The following CCL26 variants were observed in gnomAD, a reference collection of about 807,000 sequenced individuals.
CCL26 encodes C-C motif chemokine 26.
In CCL26, 10 loss-of-function variants were observed where a neutral mutation model predicts 10.7. That is an observed-to-expected ratio of 0.93 (90% CI 0.57 to 1.58). The LOEUF (loss-of-function observed/expected upper bound fraction) is 1.58. CCL26 is among the 40% of genes most tolerant of loss of function. The pLI is 0.00. For missense variants in CCL26, 116 were observed against 111.0 expected, an observed-to-expected ratio of 1.05 and a Z score of -0.20; for synonymous variants, 43 against 41.4, an observed-to-expected ratio of 1.04 and a Z score of -0.15.
chr7:75,782,836 T>A (rs1222118128), intron 1 of CCL26, among the ~76,000 whole-genome samples: 1 of 152,108 alleles, frequency 6.6e-6, no homozygotes, highest in Non-Finnish European at 1.5e-5. Flanking sequence ...CTTTCTTCTT[T>A]CTCTCCTGTC....
At chr7:75,785,009 T>C (rs11771749) in intron 1 of CCL26, among the ~76,000 whole-genome samples, 29,105 of 152,020 alleles carry the variant, frequency 0.19, 3,180 homozygotes, top group East Asian at 0.28. Flanking sequence ...CCTTACAATT[T>C]CCCCATTTTA....
At chr7:75,774,493 C>A (rs533542198), upstream of CCL26, among the ~76,000 whole-genome samples, 2 of 151,936 alleles carry the variant, frequency 1.3e-5, no homozygotes, top group South Asian at 4.2e-4. Context: ...GTCATCCAGG[C>A]TGGAGTACAG....
Position 75,771,899 on chromosome 7 carries a change from G to T in CCL26, c.178C>A (p.Arg60=), listed in dbSNP as rs150951637. 1.6e-5 allele frequency: 26 copies of T among 1,609,836 alleles called. No individual in the cohort carries two copies. Among genetic ancestry groups the T allele is most frequent in the Non-Finnish European group, 2.1e-5 (25 of 1,176,208 alleles). ...YEFTSNSCSQ[R]AVIFTTKRGK... ...CCGAGAAATACTCACATCACAGCCC[G>T]CTGGGAGCAGCTGTTACTGGTGAAT... is the stretch of plus-strand genomic sequence containing the variant. The change falls in exon 2 of 3, where the codon CGG becomes AGG. Residue 60 remains arginine, a synonymous_variant. Coordinates refer to ENST00000005180, the MANE Select transcript of CCL26 (RefSeq NM_001371938.1).
rs188830486 is a variant in CCL26, at chr7:75,784,123, T to C, written c.-79+5594A>G. 7.1e-4 allele frequency among the ~76,000 whole-genome samples: 108 copies of C among 152,266 alleles called. No individual in the cohort carries two copies. The Middle Eastern group carries it at 0.017, about 24-fold the overall frequency. On this transcript the variant is annotated intron_variant, in intron 1 of 3. Coordinates refer to the CCL26 transcript ENST00000394905. ...GAGACAAACCCCAGCCACATCTCCA[T>C]CACACAAGAGCTTCCAAACGCCTGA...
At chr7:75,771,148 G>A (rs1013941702) in intron 2 of CCL26, among the ~76,000 whole-genome samples, 5 of 152,024 alleles carry the variant, frequency 3.3e-5, no homozygotes, top group South Asian at 4.1e-4. Context: ...GCAGTGGTGC[G>A]ATCATACCTC....
upstream of CCL26, chr7:75,789,898 G>C (rs1249886788): frequency 2.0e-5 from 3 of 151,990 alleles, no homozygotes; most frequent in Non-Finnish European, 4.4e-5. Context: ...TGAGGTTCTG[G>C]GTGGACAATG....
chr7:75,776,513 A>AAAAGGAAGGAAGG (rs1802942705), upstream of CCL26, among the ~76,000 whole-genome samples: 2 of 108,986 alleles, frequency 1.8e-5, no homozygotes, highest in African/African-American at 7.7e-5. Context: ...TGCACTCCAA[A>AAAAGGAAGGAAGG]AAGGAAGGAA....
intron 1 of CCL26, among the ~76,000 whole-genome samples, chr7:75,783,712 G>A (rs12534740): frequency 6.0e-5 from 9 of 150,768 alleles, no homozygotes; most frequent in Non-Finnish European, 1.2e-4. Context: ...GCGTGAACCC[G>A]GTAGGTGGAG....
Position 75,771,952 on chromosome 7 carries a change from A to G in CCL26, c.125T>C (p.Leu42Pro). ...ATAGCTTCGCACCCAGGTCCAGGGA[A>G]GGGGCTTGTGGCTGTATTGGAAGCA... Reference protein sequence around the residue: ...TCCFQYSHKPLPWTWVRSYEF... With the variant: ...TCCFQYSHKPPPWTWVRSYEF... The change falls in exon 2 of 3, where the codon CTT becomes CCT. Residue 42 changes from leucine (L) to proline (P), a missense_variant. By Grantham distance (98) the Leu-to-Pro change is moderately conservative (BLOSUM62 -3). Transcript: ENST00000005180. 6.2e-7 allele frequency: 1 copy of G among 1,614,130 alleles called. No homozygotes were observed.
At chr7:75,776,596 GCAAGA>G, upstream of CCL26, among the ~76,000 whole-genome samples, 1 of 150,838 alleles carries the variant, frequency 6.6e-6, no homozygotes, top group African/African-American at 2.4e-5. Context: ...AGGAAAGCAA[GCAAGA>G]AAGAAAGAAA....
chr7:75,770,963 A>G (rs113699981), intron 2 of CCL26, among the ~76,000 whole-genome samples: 26 of 152,324 alleles, frequency 1.7e-4, no homozygotes, highest in African/African-American at 5.8e-4. Context: ...TTTGCCAACC[A>G]AAGGAGGATA....
chr7:75,791,152 G>A (rs1803323032), upstream of CCL26, among the ~76,000 whole-genome samples: 1 of 150,872 alleles, frequency 6.6e-6, no homozygotes, highest in South Asian at 2.1e-4. Context: ...TCAGCCTCCC[G>A]AGTAGCTGGG....
chr7:75,782,008 G>T (rs1306159735), intron 1 of CCL26, among the ~76,000 whole-genome samples: 1 of 152,144 alleles, frequency 6.6e-6, no homozygotes, highest in Non-Finnish European at 1.5e-5. Flanking sequence ...CTCACTCCAT[G>T]AAGTGATCCA....
Position 75,769,646 on chromosome 7 carries a change from G to C in CCL26, c.*47C>G. ...TCCGCAGGCTCCCCAGAGGGCTGCA[G>C]AGCCAAGAGCGGGGTCCAAGCGTCC... On this transcript the variant is annotated 3_prime_UTR_variant, in exon 3 of 3. Coordinates refer to ENST00000005180, the MANE Select transcript of CCL26 (RefSeq NM_001371938.1). The C allele has an allele frequency of 1.6e-6, 2 of 1,286,860 alleles. No individual in the cohort carries two copies. Among genetic ancestry groups the C allele is most frequent in the Non-Finnish European group, 2.3e-6 (2 of 882,650 alleles). The allele number at this position is 1,286,860 out of a possible 1,614,324, so 79.7% of individuals were successfully genotyped here.
chr7:75,777,460 G>C (rs943484254), intron 1 of CCL26, among the ~76,000 whole-genome samples: 2 of 152,042 alleles, frequency 1.3e-5, no homozygotes, highest in Admixed American at 1.3e-4. Context: ...GAAAAAGTCA[G>C]ATATAAGCCA....
At chr7:75,787,705 TAA>T (rs56291244) in intron 1 of CCL26, among the ~76,000 whole-genome samples, 8 of 126,326 alleles carry the variant, frequency 6.3e-5, no homozygotes, top group Non-Finnish European at 6.5e-5. Flanking sequence ...CCTCTCAACT[TAA>T]AAAAAAAAAT....
upstream of CCL26, among the ~76,000 whole-genome samples, chr7:75,790,178 C>CCTTCCTTCCTTCCTTTCTTT (rs60788546): frequency 1.3e-3 from 56 of 44,334 alleles, 2 homozygotes; most frequent in East Asian, 0.019. Flanking sequence ...TTCCTTCCTT[C>CCTTCCTTCCTTCCTTTCTTT]CTTTCTTTCT....
chr7:75,774,050 TAGTC>T (rs1240004934), upstream of CCL26, among the ~76,000 whole-genome samples: 2 of 152,170 alleles, frequency 1.3e-5, no homozygotes, highest in South Asian at 2.1e-4. Flanking sequence ...AAGTTTGTGA[TAGTC>T]AGAGCTGTTG....
In CCL26 at chr7:75,769,641, C is replaced by T; in HGVS notation, c.*52G>A. 8.2e-7 allele frequency: 1 copy of T among 1,221,286 alleles called. No individual in the cohort carries two copies. The highest frequency in any genetic ancestry group is 1.2e-6 in the Non-Finnish European group (1 of 823,450). The allele number at this position is 1,221,286 out of a possible 1,614,324, so 75.7% of individuals were successfully genotyped here. A position where few individuals can be genotyped will look rare whatever the true frequency, so the allele number is the denominator to read the frequency against. On this transcript the variant is annotated 3_prime_UTR_variant, in exon 3 of 3. Transcript: ENST00000005180. ...AAGATTCCGCAGGCTCCCCAGAGGG[C>T]TGCAGAGCCAAGAGCGGGGTCCAAG...
Sources: allele counts gnomAD v4.1 joint callset (sites outside exome capture counted in the v4.1 genomes callset), GRCh38; gene constraint gnomAD v4.1.1; transcripts MANE v1.5; gene names NCBI Gene and HGNC (gene_info 2026-07-23, HGNC 2026-07-21).